GGA1: variants seen among roughly 807,000 people sequenced by gnomAD.
The protein encoded by GGA1 is golgi associated, gamma adaptin ear containing, ARF binding protein 1.
Under a neutral mutation model 76.9 loss-of-function variants are expected in GGA1, and 18 were observed. The ratio of observed to expected loss-of-function variants is 0.23; its 90% confidence interval spans 0.16 to 0.35. The LOEUF is 0.35. GGA1 is among the 10% of genes least tolerant of loss of function. The pLI, the probability that GGA1 is intolerant of heterozygous loss-of-function variation, is 1.00. For missense variants in GGA1, 755 were observed against 859.0 expected (o/e 0.88, Z 1.51); for synonymous variants, 342 against 354.7 (o/e 0.96, Z 0.40).
intron 6 of GGA1, 85 bp downstream of exon 6, chr22:37,620,998 C>A: frequency 1.2e-6 from 1 of 825,024 alleles, no homozygotes; most frequent in Non-Finnish European, 2.1e-6. Context: ...CTGGCATCAG[C>A]CGTTGGAACA....
chr22:37,630,837 GA>G lies in GGA1; in HGVS notation c.1332-64del, dbSNP rs1255959866. 4 of 1,168,734 alleles carry G rather than the reference GA, an allele frequency of 3.4e-6. No individual in the cohort carries two copies. In the Admixed American group the frequency reaches 6.2e-5, roughly 18 times the overall value. 72.4% of individuals were successfully genotyped at this position (1,168,734 alleles called of 1,614,324 possible). ...CCCGCCTCAGCCTCCCAAAGTGTTG[GA>G]ATTACAGGGGTGAGCTACCACGCTG... On this transcript the variant is annotated intron_variant, in intron 13 of 16. Coordinates refer to ENST00000343632, the MANE Select transcript of GGA1 (RefSeq NM_013365.5).
In GGA1 at chr22:37,632,133, C is replaced by T. The variant is rs768342061; in HGVS notation, c.1666C>T (p.Arg556Cys). The T allele has an allele frequency of 1.4e-5, 23 of 1,613,522 alleles. No individual in the cohort carries two copies. The highest frequency in any genetic ancestry group is 1.9e-5 in the Non-Finnish European group (22 of 1,179,774). Reference sequence around the variant, plus strand: ...GCTGAGCACCGCCCCCCAGCCCATCCGCAACATCGTGTTCCAGTCAGCTGT... The same window carrying T: ...GCTGAGCACCGCCCCCCAGCCCATCTGCAACATCGTGTTCCAGTCAGCTGT... ...SMLSTAPQPI[R>C]NIVFQSAVPK... Residue 556 changes from arginine to cysteine, a missense_variant, in exon 15 of 17, where the codon CGC becomes TGC. Transcript: ENST00000343632. The surrounding 1 kb of genome is among the most constrained non-coding windows in gnomAD (Gnocchi z 5.1).
intron 6 of GGA1, 81 bp downstream of exon 6, chr22:37,620,994 T>C (rs760278316): frequency 1.2e-6 from 1 of 845,178 alleles, no homozygotes. Context: ...TGCCCTGGCA[T>C]CAGCCGTTGG....
intron 3 of GGA1, chr22:37,617,314 A>T: frequency 7.9e-7 from 1 of 1,260,686 alleles, no homozygotes; most frequent in African/African-American, 1.6e-5. Flanking sequence ...TCAGGGCTCC[A>T]CCCAGACCTG....
chr22:37,614,795 A>G (rs892053157), intron 2 of GGA1, among the ~76,000 whole-genome samples: 2 of 152,186 alleles, frequency 1.3e-5, no homozygotes, highest in Admixed American at 1.3e-4. Flanking sequence ...CGTGGCCAAC[A>G]TGGTGACACC....
At chr22:37,617,113 G>A in intron 3 of GGA1, 116 bp downstream of exon 3, 4 of 1,524,222 alleles carry the variant, frequency 2.6e-6, no homozygotes, top group South Asian at 1.2e-5. Context: ...GTTGTGCTAA[G>A]ATGGCCCAGG....
At chr22:37,628,428 G>A (rs1011480465) in intron 11 of GGA1, among the ~76,000 whole-genome samples, 1 of 152,170 alleles carries the variant, frequency 6.6e-6, no homozygotes, top group Non-Finnish European at 1.5e-5. Context: ...GCAGAGTTGT[G>A]TTCAAATGCT....
rs1300466508 is a variant in GGA1, at chr22:37,624,556, G to A, written c.833-413G>A. The A allele has an allele frequency of 6.1e-6, 1 of 164,726 alleles. No homozygotes were observed. The highest frequency in any genetic ancestry group is 1.7e-4 in the East Asian group (1 of 6,042). 10.2% of individuals were successfully genotyped at this position (164,726 alleles called of 1,614,324 possible). ...AGCACCGACAGTTCGTCACGGTGGT[G>A]AGTGGCATGGAGGAAGAGAAGCAGG... On this transcript the variant is annotated intron_variant, in intron 9 of 16. Coordinates refer to ENST00000343632, the MANE Select transcript of GGA1 (RefSeq NM_013365.5). This position sits in a 1 kb window ranked among gnomAD's most constrained non-coding sequence, Gnocchi z 4.3.
chr22:37,632,317 C>G lies in GGA1; in HGVS notation c.1699-88C>G. On this transcript the variant is annotated intron_variant, in intron 15 of 16. Coordinates refer to ENST00000343632, the MANE Select transcript of GGA1 (RefSeq NM_013365.5). This position sits in a 1 kb window ranked among gnomAD's most constrained non-coding sequence, Gnocchi z 5.1. Reference sequence around the variant, plus strand: ...CAGAAGGACTGAGCCCCAGGATCCCCGGAGGGGAGCTGGCAGGCTGGGCCT... The same window carrying G: ...CAGAAGGACTGAGCCCCAGGATCCCGGGAGGGGAGCTGGCAGGCTGGGCCT... The G allele has an allele frequency of 4.5e-6, 6 of 1,324,202 alleles. No homozygotes were observed. Among genetic ancestry groups the G allele is most frequent in the Non-Finnish European group, 6.5e-6 (6 of 925,320 alleles). The allele number at this position is 1,324,202 out of a possible 1,614,324, so 82.0% of individuals were successfully genotyped here. A position where few individuals can be genotyped will look rare whatever the true frequency, so the allele number is the denominator to read the frequency against.
intron 1 of GGA1, chr22:37,609,150 G>C (rs879606850): frequency 6.5e-5 from 95 of 1,456,802 alleles, no homozygotes; most frequent in Non-Finnish European, 7.8e-5. Flanking sequence ...CCCCTGGGAC[G>C]GCGAGTGAGC....
chr22:37,613,907 C>T (rs930086579), intron 1 of GGA1: 12 of 410,794 alleles, frequency 2.9e-5, no homozygotes, highest in Non-Finnish European at 4.6e-5. Flanking sequence ...GTGGGGCTGG[C>T]GTGATGGGTC....
In GGA1 at chr22:37,621,668, A is replaced by G. The variant is rs1419284859; in HGVS notation, c.581A>G (p.Asn194Ser). The change falls in exon 7 of 17, where the codon AAT becomes AGT. Residue 194 changes from asparagine (N) to serine (S), a missense_variant. Physicochemically the swap from Asn to Ser is conservative, Grantham distance 46. Coordinates refer to ENST00000343632, the MANE Select transcript of GGA1 (RefSeq NM_013365.5). ...SSHPEDLRAA[N>S]KLIKEMVQED... ...CATCCCGAAGACCTCCGCGCAGCCA[A>G]TAAGCTCATCAAAGAGATGGTGCAG... 2 of 1,556,134 alleles carry G rather than the reference A, an allele frequency of 1.3e-6. No individual in the cohort carries two copies. Among genetic ancestry groups the G allele is most frequent in the Non-Finnish European group, 1.7e-6 (2 of 1,149,182 alleles).
intron 3 of GGA1, 42 bp from the exon 4 acceptor site, chr22:37,618,406 G>A: frequency 8.0e-7 from 1 of 1,249,434 alleles, no homozygotes; most frequent in Non-Finnish European, 1.2e-6. Flanking sequence ...CACGGCCTCT[G>A]ATGCACCTGG....
Position 37,630,190 on chromosome 22 carries a change from G to A in GGA1, c.1331+20G>A. On this transcript the variant is annotated intron_variant, in intron 13 of 16. Transcript: ENST00000343632. ...GCGGTGGTGAGGGCCCACCATGGCT[G>A]GCATGGGGTGGGGAGCACTCCCTGT... The A allele has an allele frequency of 6.5e-7, 1 of 1,537,970 alleles. No homozygotes were observed. Among genetic ancestry groups the A allele is most frequent in the South Asian group, 1.2e-5 (1 of 81,848 alleles).
At chr22:37,629,386 C>T in intron 11 of GGA1, 76 bp from the exon 12 acceptor site, 1 of 1,002,612 alleles carries the variant, frequency 1.0e-6, no homozygotes, top group Admixed American at 2.3e-5. Flanking sequence ...CCCATGCCAG[C>T]ACACATGGCC....
Position 37,632,269 on chromosome 22 carries a change from T to C in GGA1, c.1698+104T>C. ...CAGGGGGCAGGTCTCCCTCCCTTGC[T>C]GGGTGGTTGGTGTAGAAGGGACCAG... On this transcript the variant is annotated intron_variant, in intron 15 of 16. Transcript: ENST00000343632. This position sits in a 1 kb window ranked among gnomAD's most constrained non-coding sequence, Gnocchi z 5.1. The C allele has an allele frequency of 2.2e-6, 3 of 1,337,276 alleles. No homozygotes were observed. The highest frequency in any genetic ancestry group is 3.2e-6 in the Non-Finnish European group (3 of 947,244). The allele number at this position is 1,337,276 out of a possible 1,614,324, so 82.8% of individuals were successfully genotyped here.
At chr22:37,620,716 C>T (rs759246312) in intron 5 of GGA1, 97 bp from the exon 6 acceptor site, 1 of 804,752 alleles carries the variant, frequency 1.2e-6, no homozygotes, top group Non-Finnish European at 2.2e-6. Context: ...ACTGACCTCC[C>T]TCTTCTGTCC....
Position 37,625,222 on chromosome 22 carries a change from AGCTG to A in GGA1, c.940+148_940+151del. On this transcript the variant is annotated intron_variant, in intron 10 of 16. Coordinates refer to ENST00000343632, the MANE Select transcript of GGA1 (RefSeq NM_013365.5). The surrounding 1 kb of genome is among the most constrained non-coding windows in gnomAD (Gnocchi z 4.1). ...AAGATGGGGAAGGCCCCAGGGAGGG[AGCTG>A]GGGGTGAAGTCTGTGCCAAGCCTGC... 1.4e-6 allele frequency: 1 copy of A among 705,234 alleles called. No homozygotes were observed. Among genetic ancestry groups the A allele is most frequent in the Non-Finnish European group, 2.4e-6 (1 of 420,400 alleles). 43.7% of individuals were successfully genotyped at this position (705,234 alleles called of 1,614,324 possible). A position where few individuals can be genotyped will look rare whatever the true frequency, so the allele number is the denominator to read the frequency against.
At chr22:37,612,873 G>C in intron 1 of GGA1, 1 of 969,830 alleles carries the variant, frequency 1.0e-6, no homozygotes. Context: ...CCAGTATTGG[G>C]GGTTAAAGGG....
Sources: gnomAD v4.1 joint callset for allele counts (sites outside exome capture counted in the v4.1 genomes callset) on GRCh38, gnomAD v4.1.1 for gene constraint, Gnocchi (gnomAD v3.1) non-coding constraint, MANE v1.5 for transcripts, NCBI Gene and HGNC (gene_info 2026-07-23, HGNC 2026-07-21) for gene names.